The following LRRD1 variants were observed in gnomAD, a reference collection of about 807,000 sequenced individuals.
The protein encoded by LRRD1 is leucine-rich repeat and death domain-containing protein 1.
Under a neutral mutation model 69.5 loss-of-function variants are expected in LRRD1, and 49 were observed. The observed-to-expected ratio is 0.70, with a 90% CI of 0.56 to 0.89. LRRD1 has a LOEUF of 0.89. LRRD1 is among the 40% of genes least tolerant of loss of function. The probability of loss-of-function intolerance (pLI) is 0.00; values close to 1 mark genes in which losing one functional copy is unlikely to be tolerated. For synonymous variants in LRRD1, 303 were observed against 338.9 expected (o/e 0.89, Z 1.16); for missense variants, 853 against 956.0 (o/e 0.89, Z 1.42).
chr7:92,154,237 AT>A (rs1788596564), intron 3 of LRRD1, among the ~76,000 whole-genome samples: 3 of 151,500 alleles, frequency 2.0e-5, no homozygotes, highest in Middle Eastern at 3.4e-3. Flanking sequence ...CAAAGTTTTG[AT>A]TTTTTTCACC....
intron 4 of LRRD1, among the ~76,000 whole-genome samples, chr7:92,149,025 G>A (rs1377413481): frequency 1.4e-5 from 2 of 145,994 alleles, no homozygotes; most frequent in Non-Finnish European, 3.0e-5. Context: ...GGGATTACAG[G>A]TGTGAGCCAC....
chr7:92,142,169 C>T (rs1345644318), downstream of LRRD1: 1 of 244,910 alleles, frequency 4.1e-6, no homozygotes, highest in Non-Finnish European at 8.1e-6. Context: ...GTCTCGATCT[C>T]CTGACCTCGT....
intron 1 of LRRD1, 56 bp downstream of exon 1, chr7:92,178,951 G>C (rs977516170): frequency 6.6e-6 from 1 of 152,282 alleles, no homozygotes; most frequent in African/African-American, 2.4e-5. Flanking sequence ...GAAAATGAGA[G>C]AGAATCTGGG....
chr7:92,165,867 A>AAAAAAAAAAAAAAAAAAAAAAAAT (rs1415263712), intron 1 of LRRD1, among the ~76,000 whole-genome samples: 1 of 149,470 alleles, frequency 6.7e-6, no homozygotes, highest in African/African-American at 2.4e-5. Context: ...ATCTCAAAAA[A>AAAAAAAAAAAAAAAAAAAAAAAAT]AAAAAAAAAA....
chr7:92,164,175 A>G lies in LRRD1; in HGVS notation c.1028T>C (p.Val343Ala). The G allele has an allele frequency of 3.2e-6, 5 of 1,547,718 alleles. No individual in the cohort carries two copies. The South Asian group carries it at 4.8e-5, about 15-fold the overall frequency. The change falls in exon 2 of 6, where the codon GTA (valine) becomes GCA (alanine). Residue 343 changes from valine (V) to alanine (A), a missense_variant. Coordinates refer to ENST00000458448, the MANE Select transcript of LRRD1 (RefSeq NM_001161528.2). ...MDHNKLTFLA[V>A]EIFQLLKIKE... is the part of the protein sequence containing the mutation. Reference sequence around the variant, plus strand: ...TATTTTGAGTAACTGAAAAATTTCTACAGCCAGAAAGGTAAGCTTATTGTG... The same window carrying G: ...TATTTTGAGTAACTGAAAAATTTCTGCAGCCAGAAAGGTAAGCTTATTGTG...
intron 1 of LRRD1, among the ~76,000 whole-genome samples, chr7:92,169,614 C>T (rs1391399316): frequency 6.6e-6 from 1 of 151,942 alleles, no homozygotes; most frequent in Non-Finnish European, 1.5e-5. Context: ...TACACCACTG[C>T]ACTCCAGCTT....
intron 3 of LRRD1, among the ~76,000 whole-genome samples, chr7:92,157,458 G>T (rs1788688333): frequency 6.6e-6 from 1 of 151,926 alleles, no homozygotes; most frequent in Admixed American, 6.6e-5. Flanking sequence ...ATGGTATTAG[G>T]ATAATGCTGG....
chr7:92,175,515 G>A (rs897523388), intron 1 of LRRD1, among the ~76,000 whole-genome samples: 7 of 152,106 alleles, frequency 4.6e-5, no homozygotes, highest in African/African-American at 1.4e-4. Flanking sequence ...GGGCATGGTG[G>A]CGCACGGCTG....
intron 3 of LRRD1, among the ~76,000 whole-genome samples, chr7:92,156,877 C>A (rs187300871): frequency 2.7e-4 from 41 of 152,154 alleles, no homozygotes; most frequent in Non-Finnish European, 4.4e-5. Context: ...AATCGTTTAC[C>A]ATGGAGTGTG....
intron 3 of LRRD1, among the ~76,000 whole-genome samples, chr7:92,155,660 CA>C (rs1250094417): frequency 6.6e-6 from 1 of 152,106 alleles, no homozygotes; most frequent in Non-Finnish European, 1.5e-5. Context: ...CACATAACCA[CA>C]AGGTGAAGTC....
chr7:92,174,497 A>G lies in LRRD1; in HGVS notation c.-75+4510T>C, dbSNP rs1246400166. On this transcript the variant is annotated intron_variant, in intron 1 of 5. Coordinates refer to ENST00000458448, the MANE Select transcript of LRRD1 (RefSeq NM_001161528.2). ...TATATATATATATATATATATATAT[A>G]TATATATATATATTTTTTTTTTTTT... is the stretch of plus-strand genomic sequence containing the variant. 2.2e-3 allele frequency among the ~76,000 whole-genome samples: 40 copies of G among 18,452 alleles called. 3 individuals are homozygous for G. In the South Asian group the frequency reaches 0.047, roughly 22 times the overall value. The allele number at this position is 18,452 out of a possible 152,430, so 12.1% of individuals were successfully genotyped here. A position where few individuals can be genotyped will look rare whatever the true frequency, so the allele number is the denominator to read the frequency against.
chr7:92,171,781 A>C (rs1789062259), intron 1 of LRRD1, among the ~76,000 whole-genome samples: 1 of 152,246 alleles, frequency 6.6e-6, no homozygotes, highest in African/African-American at 2.4e-5. Flanking sequence ...AATACTAGCA[A>C]AATGAATTCA....
At chr7:92,174,504 TATA>T (rs1312745504) in intron 1 of LRRD1, among the ~76,000 whole-genome samples, 62 of 23,966 alleles carry the variant, frequency 2.6e-3, no homozygotes, top group African/African-American at 4.1e-3. Flanking sequence ...TATATATATA[TATA>T]TATTTTTTTT....
chr7:92,152,226 C>T (rs1488745270), intron 3 of LRRD1, among the ~76,000 whole-genome samples: 1 of 149,588 alleles, frequency 6.7e-6, no homozygotes, highest in East Asian at 1.9e-4. Flanking sequence ...CACACACATA[C>T]ATGTATAACA....
At chr7:92,150,439 T>C in intron 4 of LRRD1, 95 bp downstream of exon 4, 1 of 1,097,234 alleles carries the variant, frequency 9.1e-7, no homozygotes. Context: ...CAGTCCAGCC[T>C]GGGTGTCAGA....
chr7:92,144,995 C>G lies in LRRD1; in HGVS notation c.2476G>C (p.Ala826Pro), dbSNP rs1004400006. 4 of 1,542,572 alleles carry G rather than the reference C, an allele frequency of 2.6e-6. No homozygotes were observed. Among genetic ancestry groups the G allele is most frequent in the Non-Finnish European group, 3.5e-6 (4 of 1,141,324 alleles). ...TQSNKLSLTA[A>P]ALRDQLIRAL... The stretch of plus-strand genomic sequence containing the variant: ...CGAATTAGTTGATCTCTTAAAGCAG[C>G]AGCAGTTAGTGATAACTTGTTACTT... Residue 826 changes from alanine to proline, a missense_variant, in exon 6 of 6, where the codon GCT (alanine) becomes CCT (proline). Physicochemically the swap from Ala to Pro is conservative, Grantham distance 27 (BLOSUM62 -1). This residue lies in a region of LRRD1 where 739 missense variants were observed against 808.0 expected (regional missense o/e 0.91). Coordinates refer to ENST00000458448, the MANE Select transcript of LRRD1 (RefSeq NM_001161528.2).
chr7:92,154,561 C>CT (rs557140720), intron 3 of LRRD1, among the ~76,000 whole-genome samples: 1,854 of 143,758 alleles, frequency 0.013, 17 homozygotes, highest in Non-Finnish European at 0.019. Context: ...TATTTTTTCA[C>CT]TTTTTTTTTT....
At chr7:92,178,830 G>T (rs995282343) in intron 1 of LRRD1, 177 bp downstream of exon 1, 4 of 152,230 alleles carry the variant, frequency 2.6e-5, no homozygotes, top group African/African-American at 7.2e-5. Context: ...GGGAGTTACA[G>T]TACTTTTTCA....
chr7:92,163,315 G>C lies in LRRD1; in HGVS notation c.1888C>G (p.Leu630Val). ...CTCCCTTTTATCTGACTTATATTCA[G>C]CTGTTCCAGTGATTGAAGTTGGCAC... ...ELCQLQSLEQ[L>V]NISQIKGRKL... The change falls in exon 2 of 6, where the codon CTG becomes GTG. Residue 630 changes from leucine to valine, a missense_variant. Leu to Val is a conservative substitution (Grantham distance 32). Transcript: ENST00000458448. The C allele has an allele frequency of 6.6e-7, 1 of 1,505,254 alleles. No homozygotes were observed. Among genetic ancestry groups the C allele is most frequent in the Non-Finnish European group, 8.9e-7 (1 of 1,128,952 alleles). The allele number at this position is 1,505,254 out of a possible 1,614,324, so 93.2% of individuals were successfully genotyped here.
Sources: allele counts gnomAD v4.1 joint callset (sites outside exome capture counted in the v4.1 genomes callset), GRCh38; gene constraint gnomAD v4.1.1; regional missense constraint gnomAD v4.1.1; transcripts MANE v1.5; gene names NCBI Gene and HGNC (gene_info 2026-07-23, HGNC 2026-07-21).